The following GUCY1A1 variants were observed in gnomAD, a reference collection of about 807,000 sequenced individuals.
The protein encoded by GUCY1A1 is guanylate cyclase 1 soluble subunit alpha 1, also known as guanylate cyclase soluble subunit alpha-1.
A neutral mutation model predicts 64.5 loss-of-function variants in GUCY1A1; 48 were observed. That is an observed-to-expected ratio of 0.74 (90% CI 0.59 to 0.95). The LOEUF (loss-of-function observed/expected upper bound fraction) is 0.95, where lower values mean the gene tolerates loss of function less well. Among genes scored for constraint, GUCY1A1 ranks in the 40% least tolerant of loss-of-function variants. The pLI, the probability that GUCY1A1 is intolerant of heterozygous loss-of-function variation, is 0.00. For synonymous variants in GUCY1A1, 308 were observed against 303.4 expected (o/e 1.02, Z -0.16); for missense variants, 804 against 825.3 (o/e 0.97, Z 0.32).
intron 2 of GUCY1A1, among the ~76,000 whole-genome samples, chr4:155,692,458 ATC>A (rs1180683099): frequency 3.3e-5 from 5 of 152,136 alleles, no homozygotes; most frequent in Admixed American, 3.3e-4. Context: ...CCTTCTCAGC[ATC>A]TGTTATTTTT....
intron 4 of GUCY1A1, 80 bp from the exon 5 acceptor site, chr4:155,708,156 T>A (rs1732052250): frequency 1.3e-6 from 1 of 766,194 alleles, no homozygotes; most frequent in Admixed American, 2.1e-5. Flanking sequence ...CTATTTTCTA[T>A]CATTGTTTCT....
chr4:155,713,311 G>A lies in GUCY1A1; in HGVS notation c.1300G>A (p.Ala434Thr). 1 of 1,614,170 alleles carries A rather than the reference G, an allele frequency of 6.2e-7. No homozygotes were observed. The highest frequency in any genetic ancestry group is 8.5e-7 in the Non-Finnish European group (1 of 1,180,028). Residue 434 changes from alanine to threonine, a missense_variant, in exon 7 of 10, where the codon GCT becomes ACT. Physicochemically the swap from Ala to Thr is moderately conservative, Grantham distance 58 (BLOSUM62 0). Transcript: ENST00000506455. ...GAAGAAGAGGCTGGGGAAGCTGAAG[G>A]CTACCCTTGAGCAAGCCCACCAAGC... ...GLKKRLGKLK[A>T]TLEQAHQALE... is the part of the protein sequence containing the mutation.
At chr4:155,721,344 C>T (rs549277942) in intron 8 of GUCY1A1, among the ~76,000 whole-genome samples, 1 of 152,194 alleles carries the variant, frequency 6.6e-6, no homozygotes, top group African/African-American at 2.4e-5. Flanking sequence ...AAAATTTTGC[C>T]ACAACACATC....
At chr4:155,676,453 A>G (rs1333124004) in intron 2 of GUCY1A1, among the ~76,000 whole-genome samples, 2 of 151,380 alleles carry the variant, frequency 1.3e-5, no homozygotes, top group Non-Finnish European at 2.9e-5. Context: ...TTTTTATCTT[A>G]ACATTGGATC....
chr4:155,707,245 T>G (rs1194589289), intron 4 of GUCY1A1, among the ~76,000 whole-genome samples: 3 of 152,340 alleles, frequency 2.0e-5, no homozygotes, highest in African/African-American at 7.2e-5. Flanking sequence ...CAGAGTCTCC[T>G]TGACCTACAG....
At chr4:155,712,465 C>G (rs1486390942) in intron 6 of GUCY1A1, among the ~76,000 whole-genome samples, 1 of 152,194 alleles carries the variant, frequency 6.6e-6, no homozygotes, top group African/African-American at 2.4e-5. Context: ...TGCAAGAACA[C>G]ACATGCACAT....
In GUCY1A1 at chr4:155,730,126, T is replaced by C; in HGVS notation, c.1968T>C (p.Phe656=). ...FPSEIPGICH[F]LDAYQQGTNS... ...GTGAAATCCCCGGAATCTGCCATTT[T>C]CTGGATGCTTACCAACAAGGAACAA... The change falls in exon 10 of 10, where the codon TTT becomes TTC. Residue 656 remains phenylalanine (F), a synonymous_variant. Transcript: ENST00000506455. The C allele has an allele frequency of 6.2e-7, 1 of 1,611,790 alleles. No homozygotes were observed. The highest frequency in any genetic ancestry group is 1.7e-4 in the Middle Eastern group (1 of 6,044).
chr4:155,700,309 G>A (rs1730917925), intron 3 of GUCY1A1, among the ~76,000 whole-genome samples: 1 of 152,096 alleles, frequency 6.6e-6, no homozygotes, highest in Non-Finnish European at 1.5e-5. Context: ...GAATCACGAG[G>A]TCTGTAGATG....
chr4:155,679,501 G>A (rs1405875553), intron 2 of GUCY1A1, among the ~76,000 whole-genome samples: 1 of 152,204 alleles, frequency 6.6e-6, no homozygotes, highest in Non-Finnish European at 1.5e-5. Flanking sequence ...CTGAGAGAGA[G>A]AGGAAGCGAG....
intron 2 of GUCY1A1, among the ~76,000 whole-genome samples, chr4:155,690,494 G>A (rs1372725484): frequency 6.6e-6 from 1 of 152,128 alleles, no homozygotes; most frequent in African/African-American, 2.4e-5. Flanking sequence ...ATTGCCCTTA[G>A]AATAGAGTAT....
At chr4:155,702,558 T>A (rs1731228243) in intron 3 of GUCY1A1, among the ~76,000 whole-genome samples, 1 of 152,196 alleles carries the variant, frequency 6.6e-6, no homozygotes, top group Admixed American at 6.5e-5. Context: ...CAAGCCCGAC[T>A]CAGAATCTGC....
At chr4:155,684,072 C>T (rs540852642) in intron 2 of GUCY1A1, among the ~76,000 whole-genome samples, 1 of 152,308 alleles carries the variant, frequency 6.6e-6, no homozygotes, top group South Asian at 2.1e-4. Flanking sequence ...CAGTTCTAAA[C>T]TCCTATTATG....
Position 155,713,267 on chromosome 4 carries a change from C to G in GUCY1A1, c.1256C>G (p.Ala419Gly). 1 of 1,614,058 alleles carries G rather than the reference C, an allele frequency of 6.2e-7. No homozygotes were observed. The highest frequency in any genetic ancestry group is 1.1e-5 in the South Asian group (1 of 91,076). Residue 419 changes from alanine to glycine, a missense_variant, in exon 7 of 10, where the codon GCC (alanine) becomes GGC (glycine). By Grantham distance (60) the Ala-to-Gly change is moderately conservative. Transcript: ENST00000506455. ...GATGTGGTCTTAATAGGGGAACAAG[C>G]CCGAGCTCAAGATGGCCTGAAGAAG... is the stretch of plus-strand genomic sequence containing the variant. Reference protein sequence around the residue: ...LRDVVLIGEQARAQDGLKKRL... With the variant: ...LRDVVLIGEQGRAQDGLKKRL...
At position 155,735,546 on chromosome 4, in the gene GUCY1A1, T is replaced by G. The variant is rs1357207456; in HGVS notation, c.*5315T>G. The G allele has an allele frequency of 6.6e-6, 1 of 151,970 alleles. No individual in the cohort carries two copies. The highest frequency in any genetic ancestry group is 1.5e-5 in the Non-Finnish European group (1 of 67,946). 9.4% of individuals were successfully genotyped at this position (151,970 alleles called of 1,614,324 possible). A position where few individuals can be genotyped will look rare whatever the true frequency, so the allele number is the denominator to read the frequency against. Reference sequence around the variant, plus strand: ...CTGCCTGTCAAGTTTTTTAATTTTTTAAATTATATAATGTCAGAAAATTAA... The same window carrying G: ...CTGCCTGTCAAGTTTTTTAATTTTTGAAATTATATAATGTCAGAAAATTAA... On this transcript the variant is annotated 3_prime_UTR_variant, in exon 10 of 10. Coordinates refer to ENST00000506455, the MANE Select transcript of GUCY1A1 (RefSeq NM_001130682.3).
intron 2 of GUCY1A1, among the ~76,000 whole-genome samples, chr4:155,694,978 A>G (rs1348871453): frequency 6.6e-6 from 1 of 152,250 alleles, no homozygotes; most frequent in Non-Finnish European, 1.5e-5. Flanking sequence ...GGACCACTTC[A>G]GTAGTCTATT....
intron 7 of GUCY1A1, among the ~76,000 whole-genome samples, chr4:155,715,631 C>T (rs924426308): frequency 1.3e-5 from 2 of 152,150 alleles, no homozygotes; most frequent in Non-Finnish European, 2.9e-5. Context: ...AGGCCCCTAA[C>T]ATCAGGTAGG....
intron 9 of GUCY1A1, chr4:155,722,473 T>C: frequency 8.4e-7 from 1 of 1,193,712 alleles, no homozygotes; most frequent in South Asian, 2.1e-5. Context: ...TTAATACTCT[T>C]AGTATGTTGA....
Position 155,703,954 on chromosome 4 carries a change from T to C in GUCY1A1, c.278T>C (p.Leu93Pro). ...CAGTTTGAACGGCTGAATGTTGCACTTCAGAGAACATTGGCAAAGCACAAA... is the reference window on the plus strand; with the variant it reads ...CAGTTTGAACGGCTGAATGTTGCACCTCAGAGAACATTGGCAAAGCACAAA... ...FPEFERLNVA[L>P]QRTLAKHKIK... The change falls in exon 4 of 10, where the codon CTT (leucine) becomes CCT (proline). Residue 93 changes from leucine to proline, a missense_variant. Leu to Pro is a moderately conservative substitution (Grantham distance 98). Transcript: ENST00000506455. 1 of 1,608,456 alleles carries C rather than the reference T, an allele frequency of 6.2e-7. No individual in the cohort carries two copies. Among genetic ancestry groups the C allele is most frequent in the Admixed American group, 1.7e-5 (1 of 58,980 alleles).
chr4:155,676,548 T>C (rs1283135286), intron 2 of GUCY1A1, among the ~76,000 whole-genome samples: 1 of 151,574 alleles, frequency 6.6e-6, no homozygotes, highest in Admixed American at 6.6e-5. Flanking sequence ...GCTGTGTTTC[T>C]ATTTACATTC....
Sources: gnomAD v4.1 joint callset for allele counts (sites outside exome capture counted in the v4.1 genomes callset) on GRCh38, gnomAD v4.1.1 for gene constraint, MANE v1.5 for transcripts, NCBI Gene and HGNC (gene_info 2026-07-23, HGNC 2026-07-21) for gene names.